The following ABCD3 variants were observed in gnomAD, a reference collection of about 807,000 sequenced individuals.
ABCD3 encodes the protein ATP binding cassette subfamily D member 3.
A neutral mutation model predicts 105.5 loss-of-function variants in ABCD3; 41 were observed. That is an observed-to-expected ratio of 0.39 (90% CI 0.30 to 0.50). ABCD3 has a LOEUF of 0.50. Among genes scored for constraint, ABCD3 ranks in the 20% least tolerant of loss-of-function variants. ABCD3 has a pLI of 0.84. For synonymous variants in ABCD3, 258 were observed against 269.0 expected (o/e 0.96, Z 0.40); for missense variants, 622 against 806.3 (o/e 0.77, Z 2.77).
At chr1:94,503,423 A>C (rs1414994998) in intron 20 of ABCD3, among the ~76,000 whole-genome samples, 1 of 152,082 alleles carries the variant, frequency 6.6e-6, no homozygotes, top group African/African-American at 2.4e-5. Context: ...CCTTCTTGAG[A>C]AAGGCAAATA....
intron 4 of ABCD3, among the ~76,000 whole-genome samples, chr1:94,471,560 C>T (rs1648460648): frequency 6.6e-6 from 1 of 151,114 alleles, no homozygotes; most frequent in Non-Finnish European, 1.5e-5. Context: ...CCACATTCAC[C>T]AATTGTAAAA....
chr1:94,508,481 T>A (rs1650478130), intron 21 of ABCD3, among the ~76,000 whole-genome samples: 1 of 151,854 alleles, frequency 6.6e-6, no homozygotes, highest in Non-Finnish European at 1.5e-5. Context: ...GCGTGCTCTT[T>A]TTTGGTTCCA....
intron 1 of ABCD3, chr1:94,419,249 A>T (rs1659157598): frequency 1.3e-5 from 13 of 982,668 alleles, no homozygotes; most frequent in Non-Finnish European, 1.6e-5. Flanking sequence ...GAAAGGCTGG[A>T]TCGGTTCTGT....
At chr1:94,467,244 C>A (rs955423219) in intron 3 of ABCD3, among the ~76,000 whole-genome samples, 2 of 152,104 alleles carry the variant, frequency 1.3e-5, no homozygotes, top group African/African-American at 4.8e-5. Flanking sequence ...TACCTTTAAT[C>A]CTCATTCTCT....
chr1:94,413,061 T>A, the ABCD3 span, among the ~76,000 whole-genome samples: 3 of 149,270 alleles, frequency 2.0e-5, no homozygotes, highest in Admixed American at 2.0e-4. Context: ...AAAAAAAATG[T>A]TTAAGTTGTG....
intron 20 of ABCD3, among the ~76,000 whole-genome samples, chr1:94,500,727 T>A (rs1650054740): frequency 1.3e-5 from 2 of 152,120 alleles, no homozygotes; most frequent in African/African-American, 4.8e-5. Flanking sequence ...AAGTTGTTTT[T>A]CCCAAAATCA....
chr1:94,462,264 T>C (rs1363132938), intron 2 of ABCD3, among the ~76,000 whole-genome samples: 1 of 152,168 alleles, frequency 6.6e-6, no homozygotes, highest in Non-Finnish European at 1.5e-5. Flanking sequence ...TTAAAAAAAT[T>C]ACTGGGAAAG....
chr1:94,518,288 T>G lies in ABCD3; in HGVS notation c.*1159T>G, dbSNP rs1002699731. ...TTGAAACTGAGTATAATCAATAAGC[T>G]AGATACGAAATCAGTTTCTCAAACT... is the stretch of plus-strand genomic sequence containing the variant. On this transcript the variant is annotated 3_prime_UTR_variant, in exon 23 of 23. Transcript: ENST00000370214. 1.3e-5 allele frequency: 2 copies of G among 152,284 alleles called. No individual in the cohort carries two copies. Among genetic ancestry groups the G allele is most frequent in the African/African-American group, 2.4e-5 (1 of 41,416 alleles). 9.4% of individuals were successfully genotyped at this position (152,284 alleles called of 1,614,324 possible).
At chr1:94,389,982 T>C in the ABCD3 span, among the ~76,000 whole-genome samples, 5 of 152,224 alleles carry the variant, frequency 3.3e-5, no homozygotes, top group Non-Finnish European at 7.3e-5. Flanking sequence ...GCAAGAGTGT[T>C]AATAAAAACC....
chr1:94,497,658 T>G (rs1649887551), intron 16 of ABCD3, among the ~76,000 whole-genome samples: 1 of 152,224 alleles, frequency 6.6e-6, no homozygotes, highest in African/African-American at 2.4e-5. Context: ...ACATATATTT[T>G]GATAAAACAC....
chr1:94,422,784 G>C (rs1405519999), intron 1 of ABCD3, among the ~76,000 whole-genome samples: 1 of 152,200 alleles, frequency 6.6e-6, no homozygotes, highest in African/African-American at 2.4e-5. Flanking sequence ...TTGTGTACCT[G>C]AGCATATATA....
chr1:94,484,708 C>G (rs1649200834), intron 10 of ABCD3, among the ~76,000 whole-genome samples: 1 of 152,068 alleles, frequency 6.6e-6, no homozygotes, highest in African/African-American at 2.4e-5. Flanking sequence ...ATGAGTGCAG[C>G]ACACCAACAT....
At chr1:94,496,407 A>G (rs1051634816) in intron 16 of ABCD3, among the ~76,000 whole-genome samples, 2 of 151,890 alleles carry the variant, frequency 1.3e-5, no homozygotes, top group African/African-American at 2.4e-5. Context: ...GTATTGTAGC[A>G]TGTGTCAGAG....
the ABCD3 span, among the ~76,000 whole-genome samples, chr1:94,411,948 A>C: frequency 1.3e-5 from 2 of 152,322 alleles, no homozygotes; most frequent in African/African-American, 4.8e-5. Flanking sequence ...GAATAGGTAA[A>C]TTCATAGAGA....
intron 1 of ABCD3, among the ~76,000 whole-genome samples, chr1:94,449,342 C>T (rs1660480456): frequency 6.6e-6 from 1 of 152,164 alleles, no homozygotes; most frequent in African/African-American, 2.4e-5. Flanking sequence ...GGAATAAAAA[C>T]CTGAGGAAAG....
chr1:94,464,916 C>T lies in ABCD3; in HGVS notation c.246+43C>T, dbSNP rs1379703330. ...ATAATCTTAAGTATATTGGGCCGTT[C>T]TTTAATAAAATACCTGAGGCTGGGT... On this transcript the variant is annotated intron_variant, in intron 3 of 22. Coordinates refer to ENST00000370214, the MANE Select transcript of ABCD3 (RefSeq NM_002858.4). The T allele has an allele frequency of 7.4e-6, 11 of 1,491,878 alleles. No individual in the cohort carries two copies. The South Asian group carries it at 1.2e-4, about 17-fold the overall frequency. The allele number at this position is 1,491,878 out of a possible 1,614,324, so 92.4% of individuals were successfully genotyped here.
intron 13 of ABCD3, among the ~76,000 whole-genome samples, chr1:94,488,808 G>A (rs1471214152): frequency 8.2e-6 from 1 of 121,532 alleles, no homozygotes; most frequent in Admixed American, 9.3e-5. Context: ...CCTTTAGGGT[G>A]TTTCCTTTCA....
At chr1:94,490,033 C>T (rs1649458669) in intron 15 of ABCD3, 58 bp downstream of exon 15, 1 of 1,456,470 alleles carries the variant, frequency 6.9e-7, no homozygotes, top group Admixed American at 1.7e-5. Flanking sequence ...TCATAGTAGT[C>T]TTTCTTTTTC....
rs34232258 is a variant in ABCD3 at position 94,502,497 on chromosome 1, GTT to G, written c.1740+2899_1740+2900del. Among the ~76,000 whole-genome samples, 340 of 131,090 alleles carry G rather than the reference GTT, an allele frequency of 2.6e-3. 3 individuals carry two copies. The highest frequency in any genetic ancestry group is 7.0e-3 in the African/African-American group (247 of 35,496). 86.0% of individuals were successfully genotyped at this position (131,090 alleles called of 152,430 possible). ...GGTAAGAACTGGGAATGCCCCCCTA[GTT>G]TTTTTTTTTTTTTTTGAGACAGAGT... On this transcript the variant is annotated intron_variant, in intron 20 of 22. Transcript: ENST00000370214.
Sources: gnomAD v4.1 joint callset for allele counts (sites outside exome capture counted in the v4.1 genomes callset) on GRCh38, gnomAD v4.1.1 for gene constraint, MANE v1.5 for transcripts, NCBI Gene and HGNC (gene_info 2026-07-23, HGNC 2026-07-21) for gene names.